The following DEFB1 variants were observed in gnomAD, a reference collection of about 807,000 sequenced individuals.
DEFB1 encodes the protein beta-defensin 1.
In DEFB1, 4 loss-of-function variants were observed where a neutral mutation model predicts 2.6. The ratio of observed to expected loss-of-function variants is 1.53; its 90% CI spans 0.76 to 3.51. The LOEUF (loss-of-function observed/expected upper bound fraction) is 3.51, where lower values mean the gene tolerates loss of function less well. DEFB1 is among the 30% of genes most tolerant of loss of function. The pLI is 0.01. For synonymous variants in DEFB1, 56 were observed against 28.5 expected, an observed-to-expected ratio of 1.96 and a Z score of -3.07; for missense variants, 162 against 76.9, an observed-to-expected ratio of 2.11 and a Z score of -4.14.
Position 6,870,628 on chromosome 8 carries a change from G to A in DEFB1, c.*53C>T. 6.3e-7 allele frequency: 1 copy of A among 1,580,590 alleles called. No homozygotes were observed. The highest frequency in any genetic ancestry group is 1.2e-5 in the South Asian group (1 of 84,876). Reference sequence around the variant, plus strand: ...AGCAATTTTCCTTTATTAAAAGAATGCTTATAAAAAGTTCATTTCACTTCT... The same window carrying A: ...AGCAATTTTCCTTTATTAAAAGAATACTTATAAAAAGTTCATTTCACTTCT... On this transcript the variant is annotated 3_prime_UTR_variant, in exon 2 of 2. Coordinates refer to ENST00000297439, the MANE Select transcript of DEFB1 (RefSeq NM_005218.4).
chr8:6,870,655 C>A lies in DEFB1; in HGVS notation c.*26G>T, dbSNP rs1800970. 3.9e-5 allele frequency: 63 copies of A among 1,600,604 alleles called. No individual in the cohort carries two copies. The highest frequency in any genetic ancestry group is 5.1e-5 in the Non-Finnish European group (60 of 1,175,808). ...TTATAAAAAGTTCATTTCACTTCTG[C>A]GTCATTTCTTCTGGTCACTCCCAGC... On this transcript the variant is annotated 3_prime_UTR_variant, in exon 2 of 2. Transcript: ENST00000297439.
intron 1 of DEFB1, among the ~76,000 whole-genome samples, chr8:6,875,791 C>T (rs897768310): frequency 3.9e-5 from 6 of 152,116 alleles, no homozygotes; most frequent in Non-Finnish European, 7.3e-5. Flanking sequence ...CATAAGGGCA[C>T]CTACTGGCCA....
chr8:6,875,047 G>T (rs1442261197), intron 1 of DEFB1, among the ~76,000 whole-genome samples: 1 of 142,844 alleles, frequency 7.0e-6, no homozygotes, highest in East Asian at 2.0e-4. Flanking sequence ...TAACTTGACC[G>T]TTACTTCATA....
chr8:6,873,440 A>C (rs1479014914), intron 1 of DEFB1, among the ~76,000 whole-genome samples: 1 of 152,210 alleles, frequency 6.6e-6, no homozygotes, highest in African/African-American at 2.4e-5. Flanking sequence ...TTCCACATCT[A>C]ATCTACTGTG....
chr8:6,872,985 T>C (rs984312591), intron 1 of DEFB1, among the ~76,000 whole-genome samples: 1 of 152,230 alleles, frequency 6.6e-6, no homozygotes, highest in African/African-American at 2.4e-5. Flanking sequence ...ACTGAGCATA[T>C]AAATTTGAAA....
chr8:6,870,652 C>A lies in DEFB1; in HGVS notation c.*29G>T. ...TGCTTATAAAAAGTTCATTTCACTTCTGCGTCATTTCTTCTGGTCACTCCC... is the reference window on the plus strand; with the variant it reads ...TGCTTATAAAAAGTTCATTTCACTTATGCGTCATTTCTTCTGGTCACTCCC... On this transcript the variant is annotated 3_prime_UTR_variant, in exon 2 of 2. Transcript: ENST00000297439. The A allele has an allele frequency of 6.2e-7, 1 of 1,601,380 alleles. No individual in the cohort carries two copies. Among genetic ancestry groups the A allele is most frequent in the South Asian group, 1.1e-5 (1 of 88,338 alleles).
chr8:6,874,286 C>A (rs2978868), intron 1 of DEFB1, among the ~76,000 whole-genome samples: 125,261 of 152,192 alleles, frequency 0.82, 51,752 homozygotes, highest in Middle Eastern at 0.89. Flanking sequence ...TTATGAAGGC[C>A]TGAAACATTT....
At position 6,874,116 on chromosome 8, in the gene DEFB1, C is replaced by T. The variant is rs542138884; in HGVS notation, c.62-3290G>A. Among the ~76,000 whole-genome samples the T allele has an allele frequency of 3.6e-3, 434 of 120,418 alleles. 1 individual carries two copies. The highest frequency in any genetic ancestry group is 0.014 in the African/African-American group (421 of 29,132). 79.0% of individuals were successfully genotyped at this position (120,418 alleles called of 152,430 possible). A position where few individuals can be genotyped will look rare whatever the true frequency, so the allele number is the denominator to read the frequency against. On this transcript the variant is annotated intron_variant, in intron 1 of 1. Transcript: ENST00000297439. Reference sequence around the variant, plus strand: ...CAAAAAGAACAGCTAGAATATCTGACATACACACACACACACACACACACA... The same window carrying T: ...CAAAAAGAACAGCTAGAATATCTGATATACACACACACACACACACACACA...
intron 1 of DEFB1, among the ~76,000 whole-genome samples, chr8:6,873,122 A>G (rs1806383090): frequency 6.6e-6 from 1 of 152,232 alleles, no homozygotes; most frequent in Non-Finnish European, 1.5e-5. Context: ...GTAGCTTTTT[A>G]GAGCCAGGAT....
Position 6,870,768 on chromosome 8 carries a change from A to C in DEFB1, c.120T>G (p.Ser40Arg). ...HRSDHYNCVS[S>R]GGQCLYSACP... ...AGGCAGAATAGAGACATTGCCCTCC[A>C]CTGCTGACGCAATTGTAATGATCAG... The change falls in exon 2 of 2, where the codon AGT becomes AGG. Residue 40 changes from serine (S) to arginine (R), a missense_variant. By Grantham distance (110) the Ser-to-Arg change is moderately radical. Transcript: ENST00000297439. 1 of 1,614,230 alleles carries C rather than the reference A, an allele frequency of 6.2e-7. No individual in the cohort carries two copies. Among genetic ancestry groups the C allele is most frequent in the Non-Finnish European group, 8.5e-7 (1 of 1,180,036 alleles).
chr8:6,877,507 A>G (rs1467558064), intron 1 of DEFB1, among the ~76,000 whole-genome samples: 2 of 152,180 alleles, frequency 1.3e-5, no homozygotes, highest in African/African-American at 4.8e-5. Flanking sequence ...GGAAGCAGCA[A>G]TCTCATCCAC....
chr8:6,875,343 A>C (rs952158627), intron 1 of DEFB1, among the ~76,000 whole-genome samples: 4 of 152,190 alleles, frequency 2.6e-5, no homozygotes, highest in African/African-American at 7.2e-5. Flanking sequence ...TCAAAACACA[A>C]AGCAAGAGAA....
chr8:6,873,965 G>A (rs2741127), intron 1 of DEFB1, among the ~76,000 whole-genome samples: 39,749 of 152,086 alleles, frequency 0.26, 5,570 homozygotes, highest in East Asian at 0.44. Context: ...CATGACATTT[G>A]CCTTCACCTT....
chr8:6,871,271 G>T (rs569910862), intron 1 of DEFB1, among the ~76,000 whole-genome samples: 2 of 152,142 alleles, frequency 1.3e-5, no homozygotes, highest in South Asian at 4.2e-4. Flanking sequence ...CTTGAATCCC[G>T]GCCCCCTCAC....
At chr8:6,873,665 G>C (rs1806407292) in intron 1 of DEFB1, among the ~76,000 whole-genome samples, 1 of 147,994 alleles carries the variant, frequency 6.8e-6, no homozygotes, top group Admixed American at 6.9e-5. Context: ...GAGACACTGG[G>C]GGCTACTAGA....
In DEFB1 at chr8:6,871,764, C is replaced by G. The variant is rs2977784; in HGVS notation, c.62-938G>C. ...GAGGACCCAGGGAGGCGGCGGTCAT[C>G]TACCAGCCAAGGACAGACACCTGAG... is the stretch of plus-strand genomic sequence containing the variant. On this transcript the variant is annotated intron_variant, in intron 1 of 1. Transcript: ENST00000297439. Among the ~76,000 whole-genome samples the G allele has an allele frequency of 2.7e-3, 417 of 152,324 alleles. 2 individuals are homozygous for G. Among genetic ancestry groups the G allele is most frequent in the African/African-American group, 9.3e-3 (385 of 41,568 alleles).
intron 1 of DEFB1, among the ~76,000 whole-genome samples, chr8:6,874,409 G>C (rs1806441775): frequency 6.6e-6 from 1 of 152,200 alleles, no homozygotes; most frequent in Non-Finnish European, 1.5e-5. Context: ...AATCCCCAGA[G>C]GTTCTAATTT....
At chr8:6,872,929 G>T (rs186581261) in intron 1 of DEFB1, among the ~76,000 whole-genome samples, 1 of 152,160 alleles carries the variant, frequency 6.6e-6, no homozygotes, top group Non-Finnish European at 1.5e-5. Context: ...CCCACACTGC[G>T]AAAGATGGAA....
At chr8:6,876,672 G>T (rs1376709546) in intron 1 of DEFB1, among the ~76,000 whole-genome samples, 1 of 151,674 alleles carries the variant, frequency 6.6e-6, no homozygotes, top group Non-Finnish European at 1.5e-5. Flanking sequence ...GTGTGGTGGT[G>T]CATGCCTGTA....
Sources: allele counts gnomAD v4.1 joint callset (sites outside exome capture counted in the v4.1 genomes callset), GRCh38; gene constraint gnomAD v4.1.1; transcripts MANE v1.5; gene names NCBI Gene and HGNC (gene_info 2026-07-23, HGNC 2026-07-21).